Variants in TMEM117 observed in about 807,000 individuals in gnomAD.
TMEM117 encodes the protein transmembrane protein 117.
In TMEM117, 27 loss-of-function variants were observed where a neutral mutation model predicts 52.4. The observed-to-expected ratio is 0.51, with a 90% confidence interval of 0.38 to 0.71. TMEM117 has a LOEUF of 0.71. TMEM117 is among the 30% of genes least tolerant of loss of function. The pLI, the probability that TMEM117 is intolerant of heterozygous loss-of-function variation, is 0.00. For missense variants in TMEM117, 556 were observed against 630.5 expected (o/e 0.88, Z 1.26); for synonymous variants, 215 against 206.3 (o/e 1.04, Z -0.36).
intron 5 of TMEM117, among the ~76,000 whole-genome samples, chr12:44,264,648 A>T (rs1349891460): frequency 6.6e-6 from 1 of 152,136 alleles, no homozygotes; most frequent in Non-Finnish European, 1.5e-5. Flanking sequence ...TGTCAGAAGG[A>T]TGAAACTGCT....
chr12:44,026,086 G>A (rs1946529453), intron 3 of TMEM117, among the ~76,000 whole-genome samples: 1 of 152,166 alleles, frequency 6.6e-6, no homozygotes, highest in Admixed American at 6.5e-5. Flanking sequence ...GCTATAGCAG[G>A]TGACCCTGTT....
At chr12:44,091,611 GATTGAT>G (rs1208697113) in intron 3 of TMEM117, among the ~76,000 whole-genome samples, 1 of 152,080 alleles carries the variant, frequency 6.6e-6, no homozygotes, top group African/African-American at 2.4e-5. Context: ...AGTGTCTACT[GATTGAT>G]ATTAAGGTCA....
chr12:44,360,715 C>T (rs992901079), intron 6 of TMEM117, among the ~76,000 whole-genome samples: 2 of 152,062 alleles, frequency 1.3e-5, no homozygotes, highest in Non-Finnish European at 2.9e-5. Context: ...TAAATGATGT[C>T]GAGAATATGA....
intron 5 of TMEM117, among the ~76,000 whole-genome samples, chr12:44,213,267 G>A (rs949348647): frequency 6.6e-6 from 1 of 152,126 alleles, no homozygotes; most frequent in Non-Finnish European, 1.5e-5. Flanking sequence ...GCCCTAGTTT[G>A]TAATTATTAC....
At chr12:44,110,172 C>G (rs1399843432) in intron 3 of TMEM117, among the ~76,000 whole-genome samples, 1 of 121,592 alleles carries the variant, frequency 8.2e-6, no homozygotes, top group Non-Finnish European at 1.7e-5. Flanking sequence ...ATTTGACTTC[C>G]TCTTTTCCTA....
intron 5 of TMEM117, among the ~76,000 whole-genome samples, chr12:44,249,190 G>T (rs945299900): frequency 7.3e-5 from 11 of 151,002 alleles, no homozygotes; most frequent in African/African-American, 2.4e-4. Context: ...GGAGGGTTTT[G>T]TGTGTGTGTG....
intron 6 of TMEM117, among the ~76,000 whole-genome samples, chr12:44,366,448 A>G (rs76787060): frequency 0.052 from 7,934 of 152,118 alleles, 203 homozygotes; most frequent in African/African-American, 0.061. Context: ...TTTTCAATTC[A>G]CTGAGGAAAT....
At chr12:43,869,715 C>A (rs1943670765) in intron 2 of TMEM117, among the ~76,000 whole-genome samples, 1 of 152,220 alleles carries the variant, frequency 6.6e-6, no homozygotes, top group South Asian at 2.1e-4. Context: ...CAGGCTCATG[C>A]TATTTCCTTG....
intron 2 of TMEM117, among the ~76,000 whole-genome samples, chr12:43,882,093 A>AC (rs1943907733): frequency 6.6e-6 from 1 of 152,036 alleles, no homozygotes; most frequent in Non-Finnish European, 1.5e-5. Flanking sequence ...ACAAACTAAA[A>AC]AACAACAACA....
intron 6 of TMEM117, among the ~76,000 whole-genome samples, chr12:44,314,399 A>G (rs1458772188): frequency 2.0e-5 from 3 of 152,156 alleles, no homozygotes; most frequent in African/African-American, 7.2e-5. Context: ...AATCACATTT[A>G]TTTAGTTTTG....
chr12:43,874,780 G>A (rs1317705596), intron 2 of TMEM117, among the ~76,000 whole-genome samples: 2 of 152,104 alleles, frequency 1.3e-5, no homozygotes. Flanking sequence ...TGAGTACTCC[G>A]TTTGTATCAG....
At chr12:44,188,560 ACGCACTTT>A (rs1949308638) in intron 4 of TMEM117, among the ~76,000 whole-genome samples, 4 of 152,208 alleles carry the variant, frequency 2.6e-5, no homozygotes, top group Admixed American at 6.6e-5. Context: ...GAGATAATCA[ACGCACTTT>A]AGTAACAAGC....
chr12:43,985,341 A>G (rs2137733076), intron 3 of TMEM117, among the ~76,000 whole-genome samples: 1 of 152,330 alleles, frequency 6.6e-6, no homozygotes, highest in East Asian at 1.9e-4. Context: ...AAAGCTTTAT[A>G]TTCATATGAA....
At chr12:44,379,314 C>T (rs959607079) in intron 7 of TMEM117, among the ~76,000 whole-genome samples, 7 of 151,974 alleles carry the variant, frequency 4.6e-5, no homozygotes, top group Non-Finnish European at 8.8e-5. Context: ...CATGATGGCA[C>T]CACTGCACTC....
chr12:44,072,535 T>C (rs1330803582), intron 3 of TMEM117, among the ~76,000 whole-genome samples: 1 of 152,194 alleles, frequency 6.6e-6, no homozygotes, highest in African/African-American at 2.4e-5. Flanking sequence ...GTCAAGCGTT[T>C]AGGTCTCAGG....
intron 1 of TMEM117, among the ~76,000 whole-genome samples, chr12:43,841,467 G>A (rs2137347650): frequency 1.3e-5 from 2 of 152,234 alleles, no homozygotes; most frequent in East Asian, 3.9e-4. Flanking sequence ...TACTAGTGCA[G>A]GATTATTGCT....
At chr12:43,946,454 G>T (rs1370752931) in intron 3 of TMEM117, among the ~76,000 whole-genome samples, 1 of 148,372 alleles carries the variant, frequency 6.7e-6, no homozygotes, top group African/African-American at 2.5e-5. Context: ...TTATTCTGAG[G>T]AAGGGAGCAG....
Position 44,388,450 on chromosome 12 carries a change from A to T in TMEM117, c.1323A>T (p.Glu441Asp), listed in dbSNP as rs1162680591. The T allele has an allele frequency of 6.2e-7, 1 of 1,613,464 alleles. No individual in the cohort carries two copies. Among genetic ancestry groups the T allele is most frequent in the African/African-American group, 1.3e-5 (1 of 75,012 alleles). The change falls in exon 8 of 8, where the codon GAA becomes GAT. Residue 441 changes from glutamate to aspartate, a missense_variant. Glu to Asp is a conservative substitution (Grantham distance 45). Coordinates refer to ENST00000266534, the MANE Select transcript of TMEM117 (RefSeq NM_032256.3). ...GCATGAAAAGAAAATCTCCATCAGA[A>T]CATAGCAAAGACATGGGAATCACTC... ...YTRMKRKSPS[E>D]HSKDMGITRE... is the part of the protein sequence containing the mutation.
At chr12:44,333,759 A>G (rs1472957641) in intron 6 of TMEM117, among the ~76,000 whole-genome samples, 4 of 152,008 alleles carry the variant, frequency 2.6e-5, no homozygotes, top group Non-Finnish European at 5.9e-5. Context: ...ACTAATACAC[A>G]TAGGTACAAG....
Sources: gnomAD v4.1 joint callset for allele counts (sites outside exome capture counted in the v4.1 genomes callset) on GRCh38, gnomAD v4.1.1 for gene constraint, MANE v1.5 for transcripts, NCBI Gene and HGNC (gene_info 2026-07-23, HGNC 2026-07-21) for gene names.